Variants in C17orf99 observed in about 807,000 individuals in gnomAD.
C17orf99 encodes the protein protein IL-40.
A neutral mutation model predicts 22.6 loss-of-function variants in C17orf99; 18 were observed. That is an observed-to-expected ratio of 0.80 (90% confidence interval 0.55 to 1.18). C17orf99 has a LOEUF of 1.18. Ranked by LOEUF, C17orf99 falls within the 50% of genes most tolerant of loss-of-function variation. The pLI, the probability that C17orf99 is intolerant of heterozygous loss-of-function variation, is 0.00. For missense variants in C17orf99, 328 were observed against 342.7 expected, an observed-to-expected ratio of 0.96 and a Z score of 0.34; for synonymous variants, 147 against 136.6, an observed-to-expected ratio of 1.08 and a Z score of -0.53.
At chr17:78,157,603 C>T (rs1462271734) in intron 2 of C17orf99, 1 of 538,426 alleles carries the variant, frequency 1.9e-6, no homozygotes, top group Non-Finnish European at 3.1e-6. Flanking sequence ...TCGAAACCAT[C>T]CTGGCTAAAA....
intron 2 of C17orf99, among the ~76,000 whole-genome samples, chr17:78,156,458 A>G (rs999665658): frequency 6.6e-6 from 1 of 151,988 alleles, no homozygotes. Flanking sequence ...AGTCACTCGC[A>G]AGCAGAAAGC....
At chr17:78,161,304 C>T (rs2075574972) in intron 3 of C17orf99, 50 bp downstream of exon 3, 2 of 1,450,820 alleles carry the variant, frequency 1.4e-6, no homozygotes, top group East Asian at 2.5e-5. Context: ...GGGTGCAGAT[C>T]AATGGGGAGC....
intron 3 of C17orf99, among the ~76,000 whole-genome samples, chr17:78,163,348 G>C (rs1250175496): frequency 6.6e-6 from 1 of 152,180 alleles, no homozygotes; most frequent in Non-Finnish European, 1.5e-5. Context: ...AGAATGTCTA[G>C]AGCATTAGGC....
intron 2 of C17orf99, among the ~76,000 whole-genome samples, chr17:78,155,434 C>T (rs2075518074): frequency 6.6e-6 from 1 of 152,054 alleles, no homozygotes; most frequent in Admixed American, 6.6e-5. Flanking sequence ...CTTTCTACCC[C>T]TCCCCCAAGC....
chr17:78,155,816 G>A (rs1387902663), intron 2 of C17orf99, among the ~76,000 whole-genome samples: 4 of 151,590 alleles, frequency 2.6e-5, no homozygotes, highest in Non-Finnish European at 4.4e-5. Flanking sequence ...TAGTAGAGAC[G>A]GGGTTTCTTC....
At chr17:78,157,798 G>GAAAAAA in intron 2 of C17orf99, 14 of 382,236 alleles carry the variant, frequency 3.7e-5, no homozygotes, top group South Asian at 1.4e-4. Context: ...CTCTGTCTCG[G>GAAAAAA]AAAAAAAAAA....
chr17:78,163,865 CAAAAT>C (rs2075596501), intron 3 of C17orf99, among the ~76,000 whole-genome samples: 1 of 152,146 alleles, frequency 6.6e-6, no homozygotes, highest in Non-Finnish European at 1.5e-5. Context: ...GACCCTGTCT[CAAAAT>C]AAAGTAAGAA....
chr17:78,146,160 C>T (rs367717885), upstream of C17orf99, among the ~76,000 whole-genome samples: 6 of 152,222 alleles, frequency 3.9e-5, 2 homozygotes, highest in African/African-American at 1.4e-4. The surrounding 1 kb of genome is among the most constrained non-coding windows in gnomAD (Gnocchi z 5.2). Flanking sequence ...GAGTCTAAGC[C>T]CTGGTCTGGC....
chr17:78,154,037 T>G (rs1196575633), intron 2 of C17orf99, among the ~76,000 whole-genome samples: 1 of 147,394 alleles, frequency 6.8e-6, no homozygotes, highest in East Asian at 2.1e-4. Flanking sequence ...GTGATTCTCA[T>G]GCCTCAGCCT....
chr17:78,147,306 A>G (rs1265541608), intron 2 of C17orf99, among the ~76,000 whole-genome samples: 2 of 152,084 alleles, frequency 1.3e-5, no homozygotes. Flanking sequence ...AGGGCTGGGG[A>G]ATTCTGGTGG....
At chr17:78,164,504 C>A in intron 4 of C17orf99, 140 bp downstream of exon 4, 1 of 1,538,988 alleles carries the variant, frequency 6.5e-7, no homozygotes, top group Non-Finnish European at 8.7e-7. Flanking sequence ...CAGGAGGCAA[C>A]CATGCCCACC....
chr17:78,157,439 G>C, intron 2 of C17orf99: 1 of 1,303,564 alleles, frequency 7.7e-7, no homozygotes, highest in Non-Finnish European at 1.1e-6. Flanking sequence ...CAGATGATTT[G>C]GACTTCGAGA....
intron 2 of C17orf99, among the ~76,000 whole-genome samples, chr17:78,152,863 C>G (rs1427382051): frequency 6.6e-6 from 1 of 151,826 alleles, no homozygotes; most frequent in Non-Finnish European, 1.5e-5. Context: ...GGGTGGATCA[C>G]TTGAGGTCAG....
chr17:78,156,513 C>T (rs544311404), intron 2 of C17orf99, among the ~76,000 whole-genome samples: 14 of 152,146 alleles, frequency 9.2e-5, no homozygotes, highest in East Asian at 5.8e-4. Flanking sequence ...AATGCGCTGA[C>T]GGGCTGGTTT....
chr17:78,166,036 C>A lies in C17orf99; in HGVS notation c.788C>A (p.Ala263Glu), dbSNP rs771602535. 1.5e-6 allele frequency: 2 copies of A among 1,364,772 alleles called. No individual in the cohort carries two copies. Among genetic ancestry groups the A allele is most frequent in the Non-Finnish European group, 2.0e-6 (2 of 1,024,832 alleles). 84.5% of individuals were successfully genotyped at this position (1,364,772 alleles called of 1,614,324 possible). The change falls in exon 5 of 5, where the codon GCA (alanine) becomes GAA (glutamate). Residue 263 changes from alanine (A) to glutamate (E), a missense_variant. By Grantham distance (107) the Ala-to-Glu change is moderately radical (BLOSUM62 -1). Coordinates refer to ENST00000340363, the MANE Select transcript of C17orf99 (RefSeq NM_001163075.2). ...GGGGAGGTCAGAGGACGCAAAGCAG[C>A]AGCCATGTAGAATGAACCGTCCAGA... Reference protein sequence around the residue: ...GNGEVRGRKAAAM With the variant: ...GNGEVRGRKAEAM
chr17:78,162,851 T>C (rs77933881), intron 3 of C17orf99, among the ~76,000 whole-genome samples: 10,654 of 152,224 alleles, frequency 0.07, 802 homozygotes, highest in African/African-American at 0.18. Context: ...AGTGGCACGA[T>C]CTCGGCTCAC....
intron 2 of C17orf99, among the ~76,000 whole-genome samples, chr17:78,147,694 C>T (rs189886269): frequency 1.1e-4 from 17 of 152,296 alleles, no homozygotes; most frequent in Admixed American, 8.5e-4. Context: ...GGCCTTCCCC[C>T]TCTATTTTGC....
intron 3 of C17orf99, among the ~76,000 whole-genome samples, 167 bp from the exon 4 acceptor site, chr17:78,163,928 G>C (rs1323111303): frequency 1.9e-4 from 29 of 152,220 alleles, no homozygotes; most frequent in Non-Finnish European, 1.5e-5. Flanking sequence ...CGGCAGGTAG[G>C]GCAGCAGCCC....
rs1266530151 is a variant in C17orf99, at chr17:78,164,103, T to C, written c.379T>C (p.Ser127Pro). The change falls in exon 4 of 5, where the codon TCT becomes CCT. Residue 127 changes from serine to proline, a missense_variant. Ser to Pro is a moderately conservative substitution (Grantham distance 74). Coordinates refer to ENST00000340363, the MANE Select transcript of C17orf99 (RefSeq NM_001163075.2). ...TTCTCCCACCCTGCCAGAGCCAGTG[T>C]CTGAGCTGCGGGCCAACTTCACTCT... ...MHWELWSKPV[S>P]ELRANFTLQD... 6.4e-7 allele frequency: 1 copy of C among 1,551,692 alleles called. No homozygotes were observed. Among genetic ancestry groups the C allele is most frequent in the Non-Finnish European group, 8.7e-7 (1 of 1,146,986 alleles).
Sources: gnomAD v4.1 joint callset for allele counts (sites outside exome capture counted in the v4.1 genomes callset) on GRCh38, gnomAD v4.1.1 for gene constraint, Gnocchi (gnomAD v3.1) non-coding constraint, MANE v1.5 for transcripts, NCBI Gene and HGNC (gene_info 2026-07-23, HGNC 2026-07-21) for gene names.